RUNX1T1: variants seen among roughly 807,000 people sequenced by gnomAD.
RUNX1T1 encodes RUNX1 partner transcriptional co-repressor 1, also known as protein CBFA2T1.
In RUNX1T1, 4 loss-of-function variants were observed where a neutral mutation model predicts 62.8. The observed-to-expected ratio is 0.06, with a 90% confidence interval of 0.03 to 0.15. The LOEUF (loss-of-function observed/expected upper bound fraction) is 0.15. Ranked by LOEUF, RUNX1T1 falls within the 10% of genes least tolerant of loss-of-function variation. The pLI is 1.00. For missense variants in RUNX1T1, 508 were observed against 754.3 expected (o/e 0.67, Z 3.82); for synonymous variants, 291 against 286.0 (o/e 1.02, Z -0.18).
chr8:92,017,465 A>C (rs1392453649), intron 1 of RUNX1T1, 102 bp from the exon 3 acceptor site: 1 of 1,584,832 alleles, frequency 6.3e-7, no homozygotes. Flanking sequence ...AAGAAATTCA[A>C]CATCTTCTAT....
At chr8:91,990,933 A>G (rs568679904) in intron 6 of RUNX1T1, among the ~76,000 whole-genome samples, 1 of 152,288 alleles carries the variant, frequency 6.6e-6, no homozygotes, top group Non-Finnish European at 1.5e-5. Flanking sequence ...TGCTGGGATT[A>G]TAGGTGTGAG....
chr8:92,054,238 A>T (rs1830668092), intron 1 of RUNX1T1, among the ~76,000 whole-genome samples: 1 of 152,036 alleles, frequency 6.6e-6, no homozygotes, highest in South Asian at 2.1e-4. Flanking sequence ...AATAACTGGG[A>T]TGTGTAAAAG....
chr8:92,100,380 AAATAAAGTCACTGCTATCTAGTTTAT>A (rs1837979813), upstream of RUNX1T1, among the ~76,000 whole-genome samples: 1 of 152,240 alleles, frequency 6.6e-6, no homozygotes, highest in African/African-American at 2.4e-5. Flanking sequence ...TTAGCTTTTC[AAATAAAGTCACTGCTATCTAGTTTAT>A]AATAAAATTA....
At chr8:92,073,550 C>G (rs148091055) in intron 2 of RUNX1T1, among the ~76,000 whole-genome samples, 14 of 152,144 alleles carry the variant, frequency 9.2e-5, no homozygotes, top group Non-Finnish European at 2.1e-4. Context: ...CTCCAAAACT[C>G]TAAGAGCCCA....
exon 11 of RUNX1T1, chr8:91,959,412 T>TTTTGTGTGTG (rs59769893): frequency 7.4e-6 from 1 of 135,862 alleles, no homozygotes; most frequent in Non-Finnish European, 1.3e-5. Flanking sequence ...AGTCTCTTAC[T>TTTTGTGTGTG]TGTGTGTGTG....
At chr8:92,014,946 T>A (rs1822704269) in intron 2 of RUNX1T1, 126 bp from the exon 4 acceptor site, 4 of 977,250 alleles carry the variant, frequency 4.1e-6, no homozygotes, top group South Asian at 1.8e-5. Context: ...TGGGACTTTT[T>A]AAAAATGCTT....
At chr8:92,042,313 G>A (rs913297839) in intron 1 of RUNX1T1, among the ~76,000 whole-genome samples, 4 of 152,092 alleles carry the variant, frequency 2.6e-5, no homozygotes, top group Middle Eastern at 3.4e-3. Flanking sequence ...GCAAATTACT[G>A]GATTTCTTTT....
At chr8:92,084,077 C>T (rs1835704593) in intron 1 of RUNX1T1, among the ~76,000 whole-genome samples, 1 of 151,934 alleles carries the variant, frequency 6.6e-6, no homozygotes, top group African/African-American at 2.4e-5. Flanking sequence ...GGGAGGGGAA[C>T]ATCACACACC....
chr8:92,053,236 C>A (rs1267540441), intron 1 of RUNX1T1, among the ~76,000 whole-genome samples: 1 of 151,990 alleles, frequency 6.6e-6, no homozygotes, highest in African/African-American at 2.4e-5. Context: ...TTGTTACTTA[C>A]CTAGGATTAT....
upstream of RUNX1T1, chr8:92,063,032 CT>C: frequency 1.1e-6 from 1 of 946,594 alleles, no homozygotes; most frequent in South Asian, 4.6e-5. Flanking sequence ...ACCTGGCCCC[CT>C]ACCACCCCTC....
chr8:91,966,163 C>CTA (rs60514195), intron 10 of RUNX1T1, among the ~76,000 whole-genome samples: 12,038 of 144,918 alleles, frequency 0.083, 668 homozygotes, highest in African/African-American at 0.16. Context: ...TATTGTATAA[C>CTA]TATATATATA....
At chr8:91,982,918 C>CTTTT (rs56135737) in intron 8 of RUNX1T1, among the ~76,000 whole-genome samples, 2 of 59,548 alleles carry the variant, frequency 3.4e-5, no homozygotes, top group Non-Finnish European at 5.8e-5. Context: ...TAGGAAAATA[C>CTTTT]TTTTTTTTTT....
At chr8:92,103,316 T>G, upstream of RUNX1T1, 1 of 202,052 alleles carries the variant, frequency 4.9e-6, no homozygotes, top group Non-Finnish European at 1.0e-5. Flanking sequence ...GACGCATTTA[T>G]CTGCAGGGCG....
chr8:92,025,031 G>A (rs889985819), intron 1 of RUNX1T1, among the ~76,000 whole-genome samples: 6 of 152,252 alleles, frequency 3.9e-5, no homozygotes, highest in Middle Eastern at 3.4e-3. Context: ...TATTCACTCC[G>A]TGGCCAGTAT....
At chr8:92,075,583 C>T (rs1834301008) in intron 2 of RUNX1T1, among the ~76,000 whole-genome samples, 1 of 152,094 alleles carries the variant, frequency 6.6e-6, no homozygotes, top group African/African-American at 2.4e-5. Context: ...CAGAAAACAC[C>T]ATCTCCTCGT....
upstream of RUNX1T1, among the ~76,000 whole-genome samples, chr8:92,065,252 C>T (rs570736779): frequency 6.6e-6 from 1 of 152,216 alleles, no homozygotes; most frequent in South Asian, 2.1e-4. Context: ...TAAAAATAGA[C>T]AATCAATAAC....
chr8:92,090,947 T>C (rs535618994), intron 1 of RUNX1T1, among the ~76,000 whole-genome samples: 1 of 152,272 alleles, frequency 6.6e-6, no homozygotes, highest in African/African-American at 2.4e-5. Flanking sequence ...AAGGACAGGC[T>C]CATAGTAGGT....
At chr8:91,981,565 C>A (rs1255826221) in intron 8 of RUNX1T1, among the ~76,000 whole-genome samples, 2 of 151,820 alleles carry the variant, frequency 1.3e-5, no homozygotes, top group Non-Finnish European at 2.9e-5. Flanking sequence ...CAGGGGTGCA[C>A]CACCATTATC....
chr8:91,969,824 T>C (rs1294823113), intron 10 of RUNX1T1, among the ~76,000 whole-genome samples: 3 of 152,178 alleles, frequency 2.0e-5, no homozygotes, highest in African/African-American at 7.2e-5. Context: ...TCCATGCCAT[T>C]GTGAGTTCGG....
Sources: allele counts gnomAD v4.1 joint callset (sites outside exome capture counted in the v4.1 genomes callset), GRCh38; gene constraint gnomAD v4.1.1; transcripts MANE v1.5; gene names NCBI Gene and HGNC (gene_info 2026-07-23, HGNC 2026-07-21).